Variants in ZNF577 observed in about 807,000 individuals in gnomAD.
ZNF577 encodes the protein zinc finger protein 577.
ZNF577 carries 14 observed loss-of-function variants against 13.9 expected under a neutral mutation model. The observed-to-expected ratio is 1.00, with a 90% CI of 0.66 to 1.57. The LOEUF is 1.57. ZNF577 is among the 40% of genes most tolerant of loss of function. ZNF577 has a pLI of 0.00. For missense variants in ZNF577, 555 were observed against 579.2 expected, an observed-to-expected ratio of 0.96 and a Z score of 0.43; for synonymous variants, 203 against 202.9, an observed-to-expected ratio of 1.00 and a Z score of 0.00.
intron 5 of ZNF577, among the ~76,000 whole-genome samples, chr19:51,847,973 A>G (rs971099968): frequency 1.3e-5 from 2 of 152,192 alleles, no homozygotes; most frequent in Admixed American, 1.3e-4. Flanking sequence ...ACCAGGAATG[A>G]TCGCTCAGCA....
intron 9 of ZNF577, among the ~76,000 whole-genome samples, chr19:51,833,413 T>C (rs2084271094): frequency 1.3e-5 from 2 of 150,152 alleles, no homozygotes; most frequent in African/African-American, 4.9e-5. Context: ...GTCTCTCTTA[T>C]GCCATCACCG....
At chr19:51,832,120 G>C (rs1599845640) in intron 9 of ZNF577, among the ~76,000 whole-genome samples, 2 of 152,028 alleles carry the variant, frequency 1.3e-5, no homozygotes, top group Non-Finnish European at 2.9e-5. Context: ...GAGAGCCTTT[G>C]ACGCCTCTGT....
At chr19:51,861,172 A>G (rs8104974) in intron 5 of ZNF577, 62,834 of 284,446 alleles carry the variant, frequency 0.22, 10,132 homozygotes, top group African/African-American at 0.54. Context: ...AGGCTGGAGT[A>G]CACTGGTGCA....
At chr19:51,815,012 G>A (rs1459093709) in intron 9 of ZNF577, among the ~76,000 whole-genome samples, 1 of 150,138 alleles carries the variant, frequency 6.7e-6, no homozygotes, top group Non-Finnish European at 1.5e-5. Flanking sequence ...GTTTCACCTT[G>A]TTGCCCAGGC....
intron 9 of ZNF577, among the ~76,000 whole-genome samples, chr19:51,829,370 C>G (rs2084249547): frequency 6.6e-6 from 1 of 152,162 alleles, no homozygotes; most frequent in East Asian, 1.9e-4. Context: ...CCCCCACCCC[C>G]CAAGACAGCA....
chr19:51,837,296 TA>T (rs1336038915), intron 9 of ZNF577, among the ~76,000 whole-genome samples: 1 of 152,168 alleles, frequency 6.6e-6, no homozygotes, highest in Non-Finnish European at 1.5e-5. Flanking sequence ...TCTTATTGGT[TA>T]ACACAGCTCA....
intron 9 of ZNF577, among the ~76,000 whole-genome samples, chr19:51,828,844 C>T (rs1272364405): frequency 6.6e-6 from 1 of 152,138 alleles, no homozygotes; most frequent in African/African-American, 2.4e-5. Context: ...TCTCCAGAAA[C>T]TCTGGTGAAT....
chr19:51,827,410 T>A (rs377160670), intron 9 of ZNF577, among the ~76,000 whole-genome samples: 10 of 152,200 alleles, frequency 6.6e-5, no homozygotes, highest in Admixed American at 3.3e-4. Context: ...TTCTTTCAAG[T>A]AATGAGAATG....
At position 51,869,281 on chromosome 19, in the gene ZNF577, C is replaced by T. The variant is rs759063321; in HGVS notation, c.*3251G>A. Among the ~76,000 whole-genome samples, 18 of 152,170 alleles carry T rather than the reference C, an allele frequency of 1.2e-4. No individual in the cohort carries two copies. The highest frequency in any genetic ancestry group is 1.1e-3 in the Admixed American group (17 of 15,284). On this transcript the variant is annotated 3_prime_UTR_variant, in exon 6 of 6. Coordinates refer to ENST00000638348, the MANE Select transcript of ZNF577 (RefSeq NM_001370449.1). ...TCTATTTGCTGAGATAGGAGAAAAC[C>T]ACCTTATGGCTGGATGTGAGACATG...
chr19:51,846,244 C>G (rs1051517279), intron 5 of ZNF577, among the ~76,000 whole-genome samples: 1 of 152,142 alleles, frequency 6.6e-6, no homozygotes, highest in Non-Finnish European at 1.5e-5. Flanking sequence ...GCCTGTATAA[C>G]ACAGTGAGTT....
exon 11 of ZNF577, chr19:51,804,918 G>C (rs1418566038): frequency 6.6e-6 from 1 of 152,300 alleles, no homozygotes; most frequent in Non-Finnish European, 1.5e-5. Context: ...GAGAAGGGGG[G>C]TGGAAGAAGA....
At position 51,872,784 on chromosome 19, in the gene ZNF577, T is replaced by A. The variant is rs2084681247; in HGVS notation, c.1206A>T (p.Glu402Asp). ...SRSHTSLYMS[E>D]LIQEQKTVNT... Reference sequence around the variant, plus strand: ...TCACAGTCTTTTGCTCTTGTATGAGTTCGCTCATGTATAAGGAGGTATGAC... The same window carrying A: ...TCACAGTCTTTTGCTCTTGTATGAGATCGCTCATGTATAAGGAGGTATGAC... Residue 402 changes from glutamate (E) to aspartate (D), a missense_variant, in exon 6 of 6, where the codon GAA becomes GAT. Transcript: ENST00000638348. 1 of 1,614,174 alleles carries A rather than the reference T, an allele frequency of 6.2e-7. No individual in the cohort carries two copies. The highest frequency in any genetic ancestry group is 8.5e-7 in the Non-Finnish European group (1 of 1,180,014).
Position 51,840,036 on chromosome 19 carries a change from G to A in ZNF577, c.*456C>T, listed in dbSNP as rs1322331154. 2.6e-5 allele frequency: 4 copies of A among 152,298 alleles called. No homozygotes were observed. In the South Asian group the frequency reaches 6.2e-4, roughly 24 times the overall value. 9.4% of individuals were successfully genotyped at this position (152,298 alleles called of 1,614,324 possible). ...ATGTCTACAGACTTTGAAACCAGGC[G>A]TGCACATGGAAGCAGCAGTCTTGGA... On this transcript the variant is annotated 3_prime_UTR_variant and NMD_transcript_variant, in exon 9 of 11. Coordinates refer to the ZNF577 transcript ENST00000638827.
chr19:51,872,839 G>A lies in ZNF577; in HGVS notation c.1151C>T (p.Ser384Leu), dbSNP rs200969457. 10 of 1,614,194 alleles carry A rather than the reference G, an allele frequency of 6.2e-6. No individual in the cohort carries two copies. Among genetic ancestry groups the A allele is most frequent in the Middle Eastern group, 1.6e-4 (1 of 6,062 alleles). Residue 384 changes from serine (S) to leucine (L), a missense_variant, in exon 6 of 6, where the codon TCA (serine) becomes TTA (leucine). Transcript: ENST00000638348. ...TGAGGAAGGTTTCTCCACCGTCAGTGAATTTATGGCTGTCTCTCTTATGTG... is the reference window on the plus strand; with the variant it reads ...TGAGGAAGGTTTCTCCACCGTCAGTAAATTTATGGCTGTCTCTCTTATGTG... ...KTHIRETAINSLTVEKPSSRS... is the reference protein window; with the variant it reads ...KTHIRETAINLLTVEKPSSRS...
downstream of ZNF577, among the ~76,000 whole-genome samples, chr19:51,865,780 T>C (rs1299409240): frequency 6.6e-6 from 1 of 152,142 alleles, no homozygotes; most frequent in Non-Finnish European, 1.5e-5. Context: ...TCACCTGAAA[T>C]GCACTGACCT....
intron 8 of ZNF577, among the ~76,000 whole-genome samples, chr19:51,841,378 T>G (rs2084319746): frequency 6.6e-6 from 1 of 152,096 alleles, no homozygotes; most frequent in African/African-American, 2.4e-5. Context: ...CTTCAAAACC[T>G]AACAGAAATT....
Position 51,868,135 on chromosome 19 carries a change from C to T in ZNF577, c.*4397G>A, listed in dbSNP as rs1228681036. ...GTAGGTTTTTAAGTGTGTCAAATTTCTTTATACATAAATCATCTTCCCACT... is the reference window on the plus strand; with the variant it reads ...GTAGGTTTTTAAGTGTGTCAAATTTTTTTATACATAAATCATCTTCCCACT... On this transcript the variant is annotated 3_prime_UTR_variant, in exon 6 of 6. Coordinates refer to ENST00000638348, the MANE Select transcript of ZNF577 (RefSeq NM_001370449.1). Among the ~76,000 whole-genome samples, 3 of 152,170 alleles carry T rather than the reference C, an allele frequency of 2.0e-5. No homozygotes were observed. Among genetic ancestry groups the T allele is most frequent in the East Asian group, 3.9e-4 (2 of 5,192 alleles).
At chr19:51,853,704 C>A (rs1326029414) in intron 5 of ZNF577, among the ~76,000 whole-genome samples, 2 of 152,172 alleles carry the variant, frequency 1.3e-5, no homozygotes, top group Non-Finnish European at 2.9e-5. Context: ...TTGTGAGCTT[C>A]TTGGCTTCCT....
rs2084643359 is a variant in ZNF577, at chr19:51,870,569, T to C, written c.*1963A>G. Among the ~76,000 whole-genome samples, 1 of 152,076 alleles carries C rather than the reference T, an allele frequency of 6.6e-6. No homozygotes were observed. Among genetic ancestry groups the C allele is most frequent in the Admixed American group, 6.6e-5 (1 of 15,258 alleles). On this transcript the variant is annotated 3_prime_UTR_variant, in exon 6 of 6. Transcript: ENST00000638348. ...GAAATGCTTGTGTGTAATCCAAGGA[T>C]TTTTCTGCGTGTTCATTTCTTCCTG...
Sources: allele counts gnomAD v4.1 joint callset (sites outside exome capture counted in the v4.1 genomes callset), GRCh38; gene constraint gnomAD v4.1.1; transcripts MANE v1.5; gene names NCBI Gene and HGNC (gene_info 2026-07-23, HGNC 2026-07-21).